Variants in PLXDC2 observed in about 807,000 individuals in gnomAD.
PLXDC2 encodes plexin domain containing 2.
In PLXDC2, 40 loss-of-function variants were observed where a neutral mutation model predicts 68.9. That is an observed-to-expected ratio of 0.58 (90% CI 0.45 to 0.76). PLXDC2 has a LOEUF of 0.76. Ranked by LOEUF, PLXDC2 falls within the 30% of genes least tolerant of loss-of-function variation. The pLI is 0.00. For synonymous variants in PLXDC2, 243 were observed against 234.2 expected, an observed-to-expected ratio of 1.04 and a Z score of -0.34; for missense variants, 644 against 661.9, an observed-to-expected ratio of 0.97 and a Z score of 0.30.
At chr10:20,191,326 A>G (rs1431798365) in intron 9 of PLXDC2, among the ~76,000 whole-genome samples, 1 of 151,336 alleles carries the variant, frequency 6.6e-6, no homozygotes. Flanking sequence ...TCAGTTCTTG[A>G]ATTTTTTCTT....
At chr10:20,157,826 T>G (rs1215798540) in intron 6 of PLXDC2, among the ~76,000 whole-genome samples, 2 of 152,216 alleles carry the variant, frequency 1.3e-5, no homozygotes, top group African/African-American at 4.8e-5. Context: ...GAGCAAAAAT[T>G]ATACTGTTAT....
At chr10:20,173,208 A>G (rs1834473390) in intron 7 of PLXDC2, among the ~76,000 whole-genome samples, 1 of 152,250 alleles carries the variant, frequency 6.6e-6, no homozygotes, top group Middle Eastern at 3.2e-3. Flanking sequence ...GATTTGAACC[A>G]GAAAAGAAAT....
At chr10:20,248,041 A>C (rs935287418) in intron 13 of PLXDC2, among the ~76,000 whole-genome samples, 13 of 152,236 alleles carry the variant, frequency 8.5e-5, no homozygotes, top group African/African-American at 3.1e-4. Flanking sequence ...AGAAAGCCTC[A>C]GGGACTAGCC....
intron 7 of PLXDC2, among the ~76,000 whole-genome samples, chr10:20,175,217 C>T (rs1589665825): frequency 6.6e-6 from 1 of 152,104 alleles, no homozygotes; most frequent in Middle Eastern, 3.2e-3. Context: ...AGCAATATTC[C>T]TATATTATCT....
intron 9 of PLXDC2, among the ~76,000 whole-genome samples, chr10:20,206,720 C>G (rs1342410730): frequency 6.6e-6 from 1 of 151,996 alleles, no homozygotes; most frequent in Non-Finnish European, 1.5e-5. Context: ...TCAGTTAGAC[C>G]TATGAATTTG....
rs146104603 is a variant in PLXDC2 at position 19,904,353 on chromosome 10, T to C, written c.112+87162T>C. On this transcript the variant is annotated intron_variant, in intron 1 of 13. Transcript: ENST00000377252. ...GGTCTAGTAGTAATTACTACTAGATTATGGTTGCCTCTGCTGAGTCATACA... is the reference window on the plus strand; with the variant it reads ...GGTCTAGTAGTAATTACTACTAGATCATGGTTGCCTCTGCTGAGTCATACA... Among the ~76,000 whole-genome samples the C allele has an allele frequency of 1.5e-4, 23 of 152,174 alleles. No individual in the cohort carries two copies. The East Asian group carries it at 4.5e-3, about 29-fold the overall frequency.
intron 13 of PLXDC2, 96 bp downstream of exon 13, chr10:20,245,601 T>C (rs1835583361): frequency 7.2e-7 from 1 of 1,379,612 alleles, no homozygotes; most frequent in Non-Finnish European, 9.9e-7. Context: ...ACATGGCTTC[T>C]CCATTTTTCA....
At position 19,884,360 on chromosome 10, in the gene PLXDC2, T is replaced by C. The variant is rs998217331; in HGVS notation, c.112+67169T>C. Among the ~76,000 whole-genome samples the C allele has an allele frequency of 2.0e-5, 3 of 152,336 alleles. 1 individual carries two copies. Among genetic ancestry groups the C allele is most frequent in the Admixed American group, 2.0e-4 (3 of 15,294 alleles). ...CTACATCTTTACATAAATGAGATTT[T>C]TTTTTATAATACTTTGAGTTTTAGG... On this transcript the variant is annotated intron_variant, in intron 1 of 13. Transcript: ENST00000377252.
chr10:20,086,306 C>A lies in PLXDC2; in HGVS notation c.541+18067C>A, dbSNP rs57824448. Among the ~76,000 whole-genome samples, 1,508 of 151,964 alleles carry A rather than the reference C, an allele frequency of 9.9e-3. 22 individuals carry two copies. Among genetic ancestry groups the A allele is most frequent in the African/African-American group, 0.033 (1,375 of 41,446 alleles). On this transcript the variant is annotated intron_variant, in intron 4 of 13. Transcript: ENST00000377252. The stretch of plus-strand genomic sequence containing the variant: ...ACCCAAATAGCTGGGACTTTAGGCA[C>A]AAGCCAGCACACCTGACTACTTTAT...
At chr10:19,961,131 A>T (rs1399017338) in intron 1 of PLXDC2, among the ~76,000 whole-genome samples, 3 of 152,150 alleles carry the variant, frequency 2.0e-5, no homozygotes, top group African/African-American at 7.2e-5. Flanking sequence ...TACTTCTGTG[A>T]TTTCTTACTG....
chr10:19,942,697 G>A (rs958683419), intron 1 of PLXDC2, among the ~76,000 whole-genome samples: 1 of 152,228 alleles, frequency 6.6e-6, no homozygotes, highest in Non-Finnish European at 1.5e-5. Flanking sequence ...CTGGGAGGCG[G>A]AGGTAGTTGC....
intron 9 of PLXDC2, among the ~76,000 whole-genome samples, chr10:20,202,185 A>T (rs1834929530): frequency 6.6e-6 from 1 of 152,182 alleles, no homozygotes; most frequent in Non-Finnish European, 1.5e-5. Flanking sequence ...TTTATAAAAA[A>T]GGAACAAGAA....
At chr10:19,867,252 A>T (rs556529984) in intron 1 of PLXDC2, among the ~76,000 whole-genome samples, 77 of 151,826 alleles carry the variant, frequency 5.1e-4, no homozygotes, top group Admixed American at 1.0e-3. Context: ...TTTGGTGGAG[A>T]TGGGGTTTTA....
chr10:20,241,665 G>C (rs1479848921), intron 12 of PLXDC2, among the ~76,000 whole-genome samples: 4 of 152,264 alleles, frequency 2.6e-5, no homozygotes, highest in Middle Eastern at 3.4e-3. Flanking sequence ...TGTAGCCTCA[G>C]CTACTTGGGA....
intron 1 of PLXDC2, among the ~76,000 whole-genome samples, chr10:19,958,295 T>G (rs1287982681): frequency 1.3e-5 from 2 of 152,158 alleles, no homozygotes; most frequent in Non-Finnish European, 2.9e-5. Flanking sequence ...TCCATGGCTT[T>G]GTTCACACCT....
chr10:20,154,583 T>C (rs917363449), intron 6 of PLXDC2, among the ~76,000 whole-genome samples: 5 of 151,182 alleles, frequency 3.3e-5, no homozygotes, highest in Admixed American at 2.6e-4. Context: ...AAAAAATGTA[T>C]TTAAAAAATC....
At chr10:19,975,785 C>T (rs532628972) in intron 1 of PLXDC2, among the ~76,000 whole-genome samples, 24 of 152,050 alleles carry the variant, frequency 1.6e-4, no homozygotes, top group Non-Finnish European at 3.4e-4. Context: ...GGGTGGATTA[C>T]TTGAGGTCAG....
intron 1 of PLXDC2, among the ~76,000 whole-genome samples, chr10:19,919,349 T>C (rs1377136755): frequency 2.6e-5 from 4 of 151,978 alleles, no homozygotes; most frequent in Non-Finnish European, 4.4e-5. Context: ...AAAAGGACAT[T>C]ATCTTGCATG....
chr10:19,914,501 C>T (rs912278285), intron 1 of PLXDC2, among the ~76,000 whole-genome samples: 7 of 152,062 alleles, frequency 4.6e-5, no homozygotes, highest in East Asian at 1.9e-4. Flanking sequence ...TGACCATTCA[C>T]GAGAAATAAA....
Sources: gnomAD v4.1 joint callset for allele counts (sites outside exome capture counted in the v4.1 genomes callset) on GRCh38, gnomAD v4.1.1 for gene constraint, MANE v1.5 for transcripts, NCBI Gene and HGNC (gene_info 2026-07-23, HGNC 2026-07-21) for gene names.